Variants in KLF13 observed in about 807,000 individuals in gnomAD.
The protein encoded by KLF13 is KLF transcription factor 13.
Under a neutral mutation model 16.7 loss-of-function variants are expected in KLF13, and 8 were observed. The observed-to-expected ratio is 0.48, with a 90% CI of 0.28 to 0.87. The LOEUF (loss-of-function observed/expected upper bound fraction) is 0.87, where lower values mean the gene tolerates loss of function less well. Ranked by LOEUF, KLF13 falls within the 40% of genes least tolerant of loss-of-function variation. KLF13 has a pLI of 0.10. For synonymous variants in KLF13, 245 were observed against 208.4 expected (o/e 1.18, Z -1.51); for missense variants, 447 against 452.2 (o/e 0.99, Z 0.10).
intron 1 of KLF13, among the ~76,000 whole-genome samples, chr15:31,351,951 G>A (rs1370681518): frequency 1.3e-5 from 2 of 152,126 alleles, no homozygotes; most frequent in East Asian, 3.9e-4. Context: ...GGTGGAGGTT[G>A]CAGTGAGCTG....
At chr15:31,413,362 C>T (rs2040219436) in intron 1 of KLF13, among the ~76,000 whole-genome samples, 1 of 152,020 alleles carries the variant, frequency 6.6e-6, no homozygotes, top group Non-Finnish European at 1.5e-5. Context: ...CAACAACCTA[C>T]TCATTCAGAA....
chr15:31,364,643 C>T (rs1377722446), intron 1 of KLF13, among the ~76,000 whole-genome samples: 3 of 152,248 alleles, frequency 2.0e-5, no homozygotes, highest in Non-Finnish European at 1.5e-5. Context: ...GAGGCATCAA[C>T]AAAGGAGTGG....
At chr15:31,331,727 T>C (rs1431811785) in intron 1 of KLF13, among the ~76,000 whole-genome samples, 1 of 152,156 alleles carries the variant, frequency 6.6e-6, no homozygotes, top group African/African-American at 2.4e-5. Context: ...GTGAAACTCC[T>C]CAAACAATGC....
At chr15:31,383,427 A>G (rs906492705) in intron 1 of KLF13, among the ~76,000 whole-genome samples, 2 of 152,212 alleles carry the variant, frequency 1.3e-5, no homozygotes, top group African/African-American at 2.4e-5. Flanking sequence ...TCTAAATCCA[A>G]GAGAACAGGT....
upstream of KLF13, among the ~76,000 whole-genome samples, chr15:31,390,229 C>T (rs749789078): frequency 6.6e-6 from 1 of 152,192 alleles, no homozygotes; most frequent in Non-Finnish European, 1.5e-5. Context: ...TTACCACCCT[C>T]TGGTGGATCA....
chr15:31,364,112 T>C (rs1189372732), intron 1 of KLF13, among the ~76,000 whole-genome samples: 1 of 150,820 alleles, frequency 6.6e-6, no homozygotes, highest in East Asian at 2.0e-4. Flanking sequence ...CTGTGTTGAA[T>C]CCTGGTGGTC....
At chr15:31,423,361 G>C (rs990494986) in intron 1 of KLF13, among the ~76,000 whole-genome samples, 1 of 151,620 alleles carries the variant, frequency 6.6e-6, no homozygotes, top group Admixed American at 6.6e-5. Flanking sequence ...GCCGGGTGCT[G>C]TGGCTCACGT....
chr15:31,398,120 G>T (rs904122982), intron 2 of KLF13, among the ~76,000 whole-genome samples: 1 of 152,162 alleles, frequency 6.6e-6, no homozygotes, highest in Non-Finnish European at 1.5e-5. Context: ...CTGATCTCTC[G>T]GATAAGGCCT....
chr15:31,382,097 G>A (rs2039734287), downstream of KLF13, among the ~76,000 whole-genome samples: 1 of 152,334 alleles, frequency 6.6e-6, no homozygotes, highest in Non-Finnish European at 1.5e-5. Flanking sequence ...CTGTACCCAT[G>A]CCAGATACTC....
At chr15:31,424,115 A>C (rs1472831973) in intron 1 of KLF13, among the ~76,000 whole-genome samples, 1 of 152,220 alleles carries the variant, frequency 6.6e-6, no homozygotes, top group Non-Finnish European at 1.5e-5. Flanking sequence ...CCACCTAGAA[A>C]AGCCCAGGAC....
chr15:31,335,802 G>T (rs922093514), intron 1 of KLF13, among the ~76,000 whole-genome samples: 14 of 152,154 alleles, frequency 9.2e-5, no homozygotes, highest in African/African-American at 3.1e-4. Flanking sequence ...GCATGGATGG[G>T]TGACCCTGGG....
At chr15:31,384,396 C>T (rs920284302) in intron 1 of KLF13, among the ~76,000 whole-genome samples, 1 of 152,238 alleles carries the variant, frequency 6.6e-6, no homozygotes, top group Non-Finnish European at 1.5e-5. Flanking sequence ...CACACCACTG[C>T]ACTCCAACCT....
downstream of KLF13, among the ~76,000 whole-genome samples, chr15:31,379,671 C>T (rs1014629499): frequency 2.0e-5 from 3 of 152,186 alleles, no homozygotes; most frequent in African/African-American, 7.2e-5. Flanking sequence ...GCGTGTAGCA[C>T]ATTTTCTTCT....
At chr15:31,368,278 C>T (rs186883023) in intron 1 of KLF13, among the ~76,000 whole-genome samples, 2 of 152,304 alleles carry the variant, frequency 1.3e-5, no homozygotes, top group East Asian at 3.9e-4. Context: ...GGGTCTGAAC[C>T]TCATCTGTCA....
chr15:31,379,575 T>C (rs1283376106), downstream of KLF13, among the ~76,000 whole-genome samples: 1 of 152,220 alleles, frequency 6.6e-6, no homozygotes. Context: ...TCCTAAGGCC[T>C]TCAGAGGCCC....
intron 1 of KLF13, among the ~76,000 whole-genome samples, chr15:31,422,144 A>AAAG (rs1566847557): frequency 1.1e-4 from 16 of 152,056 alleles, no homozygotes; most frequent in Admixed American, 6.6e-4. Flanking sequence ...AAAAAAAAAA[A>AAAG]AAAAGAAAAA....
Position 31,327,597 on chromosome 15 carries a change from G to T in KLF13, c.385G>T (p.Ala129Ser). 1 of 1,248,794 alleles carries T rather than the reference G, an allele frequency of 8.0e-7. No individual in the cohort carries two copies. Among genetic ancestry groups the T allele is most frequent in the Non-Finnish European group, 1.0e-6 (1 of 984,982 alleles). The allele number at this position is 1,248,794 out of a possible 1,614,324, so 77.4% of individuals were successfully genotyped here. ...GGCGTGGAGCGAGCCGGAGCCCGAG[G>T]CGGGGCTGGAGCCCGAGCGGGAGCC... ...SPAWSEPEPE[A>S]GLEPEREPGP... is the part of the protein sequence containing the mutation. Residue 129 changes from alanine (A) to serine (S), a missense_variant, in exon 1 of 2, where the codon GCG becomes TCG. Physicochemically the swap from Ala to Ser is moderately conservative, Grantham distance 99. Coordinates refer to ENST00000307145, the MANE Select transcript of KLF13 (RefSeq NM_015995.4).
At chr15:31,378,622 G>A (rs1049400569), downstream of KLF13, among the ~76,000 whole-genome samples, 4 of 152,124 alleles carry the variant, frequency 2.6e-5, no homozygotes, top group African/African-American at 9.7e-5. Context: ...GGGAGGTGCT[G>A]GTGCAGCCAC....
At chr15:31,339,959 AAG>A (rs1401087440) in intron 1 of KLF13, 1 of 702,328 alleles carries the variant, frequency 1.4e-6, no homozygotes, top group Non-Finnish European at 2.6e-6. Context: ...TTATCTTGTA[AAG>A]AGTCACCTGC....
Sources: allele counts gnomAD v4.1 joint callset (sites outside exome capture counted in the v4.1 genomes callset), GRCh38; gene constraint gnomAD v4.1.1; transcripts MANE v1.5; gene names NCBI Gene and HGNC (gene_info 2026-07-23, HGNC 2026-07-21).